MDGA2: variants seen among roughly 807,000 people sequenced by gnomAD.
The protein encoded by MDGA2 is MAM domain-containing glycosylphosphatidylinositol anchor protein 2.
A neutral mutation model predicts 117.8 loss-of-function variants in MDGA2; 40 were observed. The ratio of observed to expected loss-of-function variants is 0.34; its 90% CI spans 0.26 to 0.44. MDGA2 has a LOEUF of 0.44. MDGA2 is among the 20% of genes least tolerant of loss of function. MDGA2 has a pLI of 1.00. For missense variants in MDGA2, 1,123 were observed against 1,250.6 expected (o/e 0.90, Z 1.54); for synonymous variants, 452 against 439.0 (o/e 1.03, Z -0.37).
Position 46,918,760 on chromosome 14 carries a change from C to CTTTTTTTTTT in MDGA2, c.2238+1242_2238+1251dup, listed in dbSNP as rs34958634. On this transcript the variant is annotated intron_variant, in intron 10 of 16. Transcript: ENST00000399232. ...TAAGAATATGCTACATACAGTGTAT[C>CTTTTTTTTTT]TTTTTTTTTTTTTTTTTGGAATCGG... Among the ~76,000 whole-genome samples the CTTTTTTTTTT allele has an allele frequency of 2.2e-3, 279 of 124,658 alleles. 4 individuals carry two copies. Among genetic ancestry groups the CTTTTTTTTTT allele is most frequent in the African/African-American group, 8.0e-3 (238 of 29,740 alleles). 81.8% of individuals were successfully genotyped at this position (124,658 alleles called of 152,430 possible).
At chr14:47,434,598 A>G (rs143822654) in intron 1 of MDGA2, among the ~76,000 whole-genome samples, 2 of 152,266 alleles carry the variant, frequency 1.3e-5, no homozygotes, top group South Asian at 2.1e-4. Flanking sequence ...AAAATAAAGT[A>G]TTTTACAGAT....
chr14:46,869,125 G>A (rs139931393), intron 14 of MDGA2, among the ~76,000 whole-genome samples: 11 of 151,824 alleles, frequency 7.2e-5, no homozygotes, highest in South Asian at 2.1e-4. Context: ...CTTCATTAAT[G>A]AACTCCTTTG....
intron 9 of MDGA2, among the ~76,000 whole-genome samples, chr14:46,921,449 G>GAA (rs71448144): frequency 5.7e-5 from 8 of 141,428 alleles, no homozygotes; most frequent in African/African-American, 1.3e-4. Flanking sequence ...ACCAGAAAAA[G>GAA]AAAAAAAAAA....
At chr14:47,386,038 TG>T (rs1235541859) in intron 1 of MDGA2, among the ~76,000 whole-genome samples, 1 of 152,230 alleles carries the variant, frequency 6.6e-6, no homozygotes, top group East Asian at 1.9e-4. Context: ...CCCAGCACTT[TG>T]GGGGGCTGAG....
At chr14:47,124,099 T>TA (rs1185929196) in intron 5 of MDGA2, among the ~76,000 whole-genome samples, 3 of 152,072 alleles carry the variant, frequency 2.0e-5, no homozygotes, top group African/African-American at 4.8e-5. Flanking sequence ...TTATCTATGA[T>TA]AAAAAATTAT....
At chr14:46,917,961 G>T (rs1440480030) in intron 10 of MDGA2, among the ~76,000 whole-genome samples, 1 of 152,100 alleles carries the variant, frequency 6.6e-6, no homozygotes, top group Non-Finnish European at 1.5e-5. Context: ...TATAGGTAAG[G>T]ATTTTGATTT....
At chr14:47,532,487 T>G (rs561030685) in intron 1 of MDGA2, among the ~76,000 whole-genome samples, 1 of 152,218 alleles carries the variant, frequency 6.6e-6, no homozygotes, top group African/African-American at 2.4e-5. Context: ...TAGTTACCCA[T>G]AGGGCCATAC....
chr14:47,332,668 A>G (rs754899737), intron 1 of MDGA2, among the ~76,000 whole-genome samples: 2 of 151,960 alleles, frequency 1.3e-5, no homozygotes, highest in Non-Finnish European at 2.9e-5. Flanking sequence ...AATTTTTTAA[A>G]TTTGTAAAAT....
intron 7 of MDGA2, among the ~76,000 whole-genome samples, chr14:47,058,016 T>C (rs1011699740): frequency 6.6e-6 from 1 of 152,192 alleles, no homozygotes; most frequent in African/African-American, 2.4e-5. Flanking sequence ...ATTTCAATTT[T>C]AAAAGTCATC....
intron 6 of MDGA2, among the ~76,000 whole-genome samples, chr14:47,088,212 T>C (rs1453626182): frequency 6.6e-6 from 1 of 152,132 alleles, no homozygotes; most frequent in Non-Finnish European, 1.5e-5. Flanking sequence ...AACTACTGAA[T>C]GATAATTTTT....
intron 8 of MDGA2, among the ~76,000 whole-genome samples, chr14:47,025,338 C>T (rs1383593094): frequency 2.0e-5 from 3 of 152,074 alleles, no homozygotes; most frequent in Non-Finnish European, 4.4e-5. Flanking sequence ...AATGTTAATA[C>T]TTAATAGGAA....
intron 1 of MDGA2, among the ~76,000 whole-genome samples, chr14:47,393,895 A>G (rs1280138169): frequency 6.6e-6 from 1 of 152,148 alleles, no homozygotes; most frequent in Non-Finnish European, 1.5e-5. Context: ...TATTTTGACT[A>G]TAAATATAAA....
At chr14:47,509,102 CAA>C (rs1425153548) in intron 1 of MDGA2, among the ~76,000 whole-genome samples, 1 of 152,136 alleles carries the variant, frequency 6.6e-6, no homozygotes, top group Non-Finnish European at 1.5e-5. Context: ...TTCACACACA[CAA>C]GAGAACATGA....
intron 1 of MDGA2, among the ~76,000 whole-genome samples, chr14:47,519,581 G>A (rs532352854): frequency 3.3e-5 from 5 of 152,078 alleles, no homozygotes; most frequent in South Asian, 2.1e-4. Flanking sequence ...GTATAAAAAC[G>A]GCAAAGGTTA....
At chr14:47,366,486 G>A (rs1037747499) in intron 1 of MDGA2, among the ~76,000 whole-genome samples, 2 of 151,982 alleles carry the variant, frequency 1.3e-5, no homozygotes, top group African/African-American at 4.8e-5. Context: ...ATTAGCAAGA[G>A]CCAAAATAAA....
In MDGA2 at chr14:46,884,640, T is replaced by C. The variant is rs1882597724; in HGVS notation, c.2239-2419A>G. On this transcript the variant is annotated intron_variant, in intron 10 of 16. Transcript: ENST00000399232. This position sits in a 1 kb window ranked among gnomAD's most constrained non-coding sequence, Gnocchi z 4.1. The stretch of plus-strand genomic sequence containing the variant: ...GGGAAGAAAGCCCAAATATAAAATA[T>C]ATAGAGTGTCTGCACAGAAGAGAGA... Among the ~76,000 whole-genome samples the C allele has an allele frequency of 6.6e-6, 1 of 151,996 alleles. No individual in the cohort carries two copies. Among genetic ancestry groups the C allele is most frequent in the Admixed American group, 6.6e-5 (1 of 15,242 alleles).
intron 7 of MDGA2, among the ~76,000 whole-genome samples, chr14:47,049,156 G>A (rs1889365701): frequency 6.6e-6 from 1 of 152,010 alleles, no homozygotes; most frequent in Non-Finnish European, 1.5e-5. Context: ...CATTTACAGT[G>A]GACTGTCATT....
chr14:47,633,542 A>G (rs1446091522), intron 1 of MDGA2, among the ~76,000 whole-genome samples: 2 of 152,222 alleles, frequency 1.3e-5, no homozygotes, highest in Non-Finnish European at 2.9e-5. Context: ...CATGTAGTAT[A>G]AATAAATTCA....
chr14:46,845,376 A>G (rs2138270303), intron 16 of MDGA2, among the ~76,000 whole-genome samples: 1 of 152,330 alleles, frequency 6.6e-6, no homozygotes, highest in South Asian at 2.1e-4. Context: ...GCAGTTCTTT[A>G]TAGCAGTATG....
Sources: gnomAD v4.1 joint callset for allele counts (sites outside exome capture counted in the v4.1 genomes callset) on GRCh38, gnomAD v4.1.1 for gene constraint, Gnocchi (gnomAD v3.1) non-coding constraint, MANE v1.5 for transcripts, NCBI Gene and HGNC (gene_info 2026-07-23, HGNC 2026-07-21) for gene names.